TRPM3: variants seen among roughly 807,000 people sequenced by gnomAD.
TRPM3 encodes the protein transient receptor potential cation channel subfamily M member 3, also known as long transient receptor potential channel 3.
Under a neutral mutation model 181.2 loss-of-function variants are expected in TRPM3, and 77 were observed. The ratio of observed to expected loss-of-function variants is 0.42; its 90% CI spans 0.35 to 0.51. The LOEUF is 0.51. Among genes scored for constraint, TRPM3 ranks in the 20% least tolerant of loss-of-function variants. TRPM3 has a pLI of 0.01. For synonymous variants in TRPM3, 745 were observed against 796.4 expected (o/e 0.94, Z 1.09); for missense variants, 1,759 against 2,196.7 (o/e 0.80, Z 3.98).
rs986301636 is a variant in TRPM3 at position 71,389,078 on chromosome 9, C to G, written c.183+57575G>C. On this transcript the variant is annotated intron_variant, in intron 1 of 24. Transcript: ENST00000357533. ...AAACTTATTTAGAAGAAAATCTTCA[C>G]CATCTATACATCTGACAAGGGACTA... Among the ~76,000 whole-genome samples, 12 of 152,180 alleles carry G rather than the reference C, an allele frequency of 7.9e-5. No homozygotes were observed. In the East Asian group the frequency reaches 2.3e-3, roughly 29 times the overall value.
intron 1 of TRPM3, among the ~76,000 whole-genome samples, chr9:70,960,527 G>A (rs1184582735): frequency 6.6e-6 from 1 of 152,276 alleles, no homozygotes; most frequent in East Asian, 1.9e-4. Context: ...GTATTTTGAA[G>A]CATGATGATA....
chr9:71,412,633 C>A (rs1002586090), intron 1 of TRPM3, among the ~76,000 whole-genome samples: 1 of 152,140 alleles, frequency 6.6e-6, no homozygotes, highest in East Asian at 1.9e-4. Context: ...AATAGGAACA[C>A]TTTTACACTG....
chr9:71,396,666 G>GAA (rs386415047), intron 1 of TRPM3, among the ~76,000 whole-genome samples: 2 of 139,686 alleles, frequency 1.4e-5, no homozygotes, highest in African/African-American at 2.6e-5. Flanking sequence ...CCTCTTTAAG[G>GAA]AAAAAAAAAA....
chr9:70,845,519 C>T (rs560116993), intron 4 of TRPM3, among the ~76,000 whole-genome samples: 22 of 152,288 alleles, frequency 1.4e-4, no homozygotes, highest in Admixed American at 3.9e-4. Flanking sequence ...GGATTACAGG[C>T]ATGAGCCACC....
chr9:70,663,681 T>G (rs1322083406), intron 9 of TRPM3, among the ~76,000 whole-genome samples: 3 of 152,240 alleles, frequency 2.0e-5, no homozygotes, highest in African/African-American at 7.2e-5. Flanking sequence ...GTTAATGATT[T>G]GTACACAGTA....
At chr9:71,228,780 G>T (rs1029843431) in intron 1 of TRPM3, among the ~76,000 whole-genome samples, 3 of 151,990 alleles carry the variant, frequency 2.0e-5, no homozygotes, top group Admixed American at 6.6e-5. Flanking sequence ...GTTCTCTACA[G>T]TAAAAACTGT....
chr9:70,745,179 T>C (rs1026964943), intron 8 of TRPM3, among the ~76,000 whole-genome samples: 1 of 152,166 alleles, frequency 6.6e-6, no homozygotes, highest in African/African-American at 2.4e-5. Context: ...AGTAATGACA[T>C]AATATTGGTA....
intron 22 of TRPM3, among the ~76,000 whole-genome samples, chr9:70,587,567 A>T (rs957503921): frequency 7.2e-5 from 11 of 152,194 alleles, no homozygotes; most frequent in Admixed American, 6.5e-4. Flanking sequence ...CGGCCTTGGC[A>T]TGAAATGCTG....
intron 1 of TRPM3, among the ~76,000 whole-genome samples, chr9:71,188,867 A>G (rs1019372009): frequency 1.4e-4 from 22 of 151,966 alleles, no homozygotes; most frequent in African/African-American, 5.3e-4. Flanking sequence ...AAATAAGAGG[A>G]TGTATATAAA....
chr9:70,629,456 C>T (rs1274897494), intron 12 of TRPM3, among the ~76,000 whole-genome samples: 3 of 152,098 alleles, frequency 2.0e-5, no homozygotes, highest in African/African-American at 7.2e-5. Context: ...CTGCCTCAGC[C>T]TCCAGTGTAG....
chr9:71,242,934 G>A lies in TRPM3; in HGVS notation c.183+203719C>T, dbSNP rs182605397. Among the ~76,000 whole-genome samples, 16 of 152,230 alleles carry A rather than the reference G, an allele frequency of 1.1e-4. No individual in the cohort carries two copies. In the East Asian group the frequency reaches 2.7e-3, roughly 26 times the overall value. ...ATAAGTCATTTTGCCCTGTTTGCCC[G>A]ATTTAATACCAAACCAGTGTAGCTG... On this transcript the variant is annotated intron_variant, in intron 1 of 24. Coordinates refer to the TRPM3 transcript ENST00000357533.
intron 1 of TRPM3, among the ~76,000 whole-genome samples, chr9:71,211,482 A>G (rs2079503812): frequency 6.6e-6 from 1 of 152,064 alleles, no homozygotes; most frequent in Admixed American, 6.6e-5. Context: ...GTGTAACAAA[A>G]TGCCACATAT....
intron 25 of TRPM3, among the ~76,000 whole-genome samples, chr9:70,542,400 GA>G (rs1440965894): frequency 1.3e-5 from 2 of 152,140 alleles, no homozygotes; most frequent in Non-Finnish European, 2.9e-5. Flanking sequence ...CATATCTCCA[GA>G]CCTCGAATGG....
At chr9:71,165,086 G>A in intron 1 of TRPM3, among the ~76,000 whole-genome samples, 1 of 152,092 alleles carries the variant, frequency 6.6e-6, no homozygotes, top group Non-Finnish European at 1.5e-5. Flanking sequence ...TTTATGATAA[G>A]GACAATCAGT....
At chr9:70,805,534 G>C (rs1460807028) in intron 6 of TRPM3, among the ~76,000 whole-genome samples, 1 of 82,756 alleles carries the variant, frequency 1.2e-5, no homozygotes, top group Admixed American at 1.5e-4. Context: ...ACTCCATCTC[G>C]AAAAAAAAAA....
intron 1 of TRPM3, among the ~76,000 whole-genome samples, chr9:70,900,221 C>T (rs1040477842): frequency 7.9e-5 from 12 of 151,924 alleles, no homozygotes; most frequent in Non-Finnish European, 1.6e-4. Flanking sequence ...AGACTTATTA[C>T]ACTCAGCTAC....
At chr9:71,258,106 A>G (rs1317753888) in intron 1 of TRPM3, among the ~76,000 whole-genome samples, 1 of 152,358 alleles carries the variant, frequency 6.6e-6, no homozygotes, top group East Asian at 1.9e-4. Context: ...AAATGAAAAT[A>G]TTCAAAGGCA....
At chr9:70,618,792 G>T in intron 17 of TRPM3, 75 bp downstream of exon 17, 4 of 1,280,466 alleles carry the variant, frequency 3.1e-6, no homozygotes, top group African/African-American at 1.5e-5. Context: ...CAATTCCATG[G>T]CAGATTTTGG....
intron 1 of TRPM3, among the ~76,000 whole-genome samples, chr9:71,217,246 G>A (rs1053842676): frequency 1.3e-5 from 2 of 151,474 alleles, no homozygotes; most frequent in African/African-American, 4.9e-5. Context: ...CACCGCGCCC[G>A]GCCCAGTGGC....
Sources: gnomAD v4.1 joint callset for allele counts (sites outside exome capture counted in the v4.1 genomes callset) on GRCh38, gnomAD v4.1.1 for gene constraint, MANE v1.5 for transcripts, NCBI Gene and HGNC (gene_info 2026-07-23, HGNC 2026-07-21) for gene names.